The following THRB variants were observed in gnomAD, a reference collection of about 807,000 sequenced individuals.
The protein encoded by THRB is nuclear receptor subfamily 1 group A member 2.
THRB carries 12 observed loss-of-function variants against 47.8 expected under a neutral mutation model. The observed-to-expected ratio is 0.25, with a 90% CI of 0.16 to 0.41. The LOEUF is 0.41. THRB is among the 10% of genes least tolerant of loss of function. The pLI is 1.00. For missense variants in THRB, 348 were observed against 589.2 expected, an observed-to-expected ratio of 0.59 and a Z score of 4.24; for synonymous variants, 218 against 212.2, an observed-to-expected ratio of 1.03 and a Z score of -0.24.
intron 4 of THRB, among the ~76,000 whole-genome samples, chr3:24,206,155 T>C (rs1482490470): frequency 1.3e-5 from 2 of 152,180 alleles, no homozygotes; most frequent in African/African-American, 2.4e-5. Context: ...GCGGACCTAA[T>C]AGACATCTAC....
intron 4 of THRB, among the ~76,000 whole-genome samples, chr3:24,208,593 T>TG (rs1442164619): frequency 1.3e-5 from 2 of 152,164 alleles, no homozygotes; most frequent in Non-Finnish European, 2.9e-5. Context: ...AAACAAGCAA[T>TG]GGGGAAAGGA....
At chr3:24,352,602 G>T (rs2063423882) in intron 1 of THRB, among the ~76,000 whole-genome samples, 1 of 152,156 alleles carries the variant, frequency 6.6e-6, no homozygotes, top group Admixed American at 6.6e-5. Context: ...GGGGTGGTTG[G>T]TTTTAAAAGG....
chr3:24,179,484 T>G (rs2041619266), intron 5 of THRB, among the ~76,000 whole-genome samples: 3 of 152,184 alleles, frequency 2.0e-5, no homozygotes, highest in South Asian at 2.1e-4. Context: ...AATTGGTGAA[T>G]CCAGGTGAGG....
At chr3:24,132,848 G>A (rs1424152269) in intron 9 of THRB, among the ~76,000 whole-genome samples, 2 of 152,242 alleles carry the variant, frequency 1.3e-5, no homozygotes, top group East Asian at 3.8e-4. Context: ...GATATGCACT[G>A]AGAAGAATAC....
chr3:24,260,424 T>A (rs1412252315), intron 3 of THRB, among the ~76,000 whole-genome samples: 1 of 152,124 alleles, frequency 6.6e-6, no homozygotes, highest in Non-Finnish European at 1.5e-5. Context: ...AAAGGTAAGG[T>A]GGTCTTCAGG....
intron 3 of THRB, among the ~76,000 whole-genome samples, chr3:24,272,163 G>A (rs906188746): frequency 2.0e-5 from 3 of 152,078 alleles, no homozygotes; most frequent in East Asian, 3.9e-4. Context: ...GCAACACAGC[G>A]AGATCTCTTC....
chr3:24,483,237 G>A (rs867169322), intron 1 of THRB, among the ~76,000 whole-genome samples: 1 of 151,794 alleles, frequency 6.6e-6, no homozygotes, highest in South Asian at 2.1e-4. Flanking sequence ...TTATAATTTG[G>A]GAAGAAAACA....
chr3:24,297,904 A>T (rs1272838958), intron 2 of THRB, among the ~76,000 whole-genome samples: 1 of 152,212 alleles, frequency 6.6e-6, no homozygotes, highest in Non-Finnish European at 1.5e-5. Flanking sequence ...TTTAGACTTC[A>T]GAGCAGTGGC....
intron 1 of THRB, among the ~76,000 whole-genome samples, chr3:24,341,662 C>T (rs1171471139): frequency 3.3e-5 from 5 of 152,098 alleles, no homozygotes; most frequent in African/African-American, 1.2e-4. Flanking sequence ...AGTCTATTCT[C>T]CTGTGCTTTT....
Position 24,378,127 on chromosome 3 carries a change from C to G in THRB, c.-260-40756G>C, listed in dbSNP as rs551761567. ...ACTGTGAGTGAGGCAGAAACTGAAT[C>G]AGGCAGGGGCATTATTGTTTTCTCT... On this transcript the variant is annotated intron_variant, in intron 1 of 10. Coordinates refer to ENST00000646209, the MANE Select transcript of THRB (RefSeq NM_001354712.2). 2.0e-4 allele frequency among the ~76,000 whole-genome samples: 30 copies of G among 152,236 alleles called. No individual in the cohort carries two copies. The East Asian group carries it at 5.8e-3, about 29-fold the overall frequency.
intron 1 of THRB, among the ~76,000 whole-genome samples, chr3:24,384,410 G>T (rs2065933119): frequency 6.6e-6 from 1 of 152,140 alleles, no homozygotes; most frequent in Non-Finnish European, 1.5e-5. Context: ...GATGAGCCAT[G>T]AAGTGTTATA....
chr3:24,453,459 A>G (rs2072867039), intron 1 of THRB, among the ~76,000 whole-genome samples: 1 of 152,120 alleles, frequency 6.6e-6, no homozygotes, highest in African/African-American at 2.4e-5. Context: ...TCCCCAATCC[A>G]TTCACCTTAC....
intron 3 of THRB, among the ~76,000 whole-genome samples, chr3:24,267,931 C>T (rs2052833310): frequency 6.6e-6 from 1 of 152,136 alleles, no homozygotes; most frequent in Non-Finnish European, 1.5e-5. Flanking sequence ...TTCTTCAACA[C>T]CATTAGCCCT....
Position 24,233,560 on chromosome 3 carries a change from G to GAAGAAAGAAAGAAAGAAAGAAAGAAAGA in THRB, c.-42-4587_-42-4560dup, listed in dbSNP as rs769459380. Among the ~76,000 whole-genome samples the GAAGAAAGAAAGAAAGAAAGAAAGAAAGA allele has an allele frequency of 1.4e-4, 11 of 77,352 alleles. No individual in the cohort carries two copies. The East Asian group carries it at 1.5e-3, about 10-fold the overall frequency. The allele number at this position is 77,352 out of a possible 152,430, so 50.7% of individuals were successfully genotyped here. A position where few individuals can be genotyped will look rare whatever the true frequency, so the allele number is the denominator to read the frequency against. On this transcript the variant is annotated intron_variant, in intron 3 of 10. Coordinates refer to ENST00000646209, the MANE Select transcript of THRB (RefSeq NM_001354712.2). ...GAAAGAAAGAGAAAGAAAGAAAAAG[G>GAAGAAAGAAAGAAAGAAAGAAAGAAAGA]AAGAAAGAAAGAAAGAAAGAAAGAA...
chr3:24,250,178 A>G (rs183035119), intron 3 of THRB, among the ~76,000 whole-genome samples: 18 of 152,294 alleles, frequency 1.2e-4, no homozygotes, highest in Non-Finnish European at 1.6e-4. Context: ...TAACTAATAA[A>G]ACATCTTAGT....
chr3:24,372,421 T>C (rs1156365170), intron 1 of THRB, among the ~76,000 whole-genome samples: 1 of 152,120 alleles, frequency 6.6e-6, no homozygotes, highest in Non-Finnish European at 1.5e-5. Flanking sequence ...TCTATCACCA[T>C]GTCCTGGAGA....
rs116900657 is a variant in THRB at position 24,422,618 on chromosome 3, G to A, written c.-261+72034C>T. On this transcript the variant is annotated intron_variant, in intron 1 of 10. Coordinates refer to ENST00000646209, the MANE Select transcript of THRB (RefSeq NM_001354712.2). Reference sequence around the variant, plus strand: ...GAGCTAAAAGACAGATGTGCGTGGCGAATGTGCATTCACTTTTTTCAGCTG... The same window carrying A: ...GAGCTAAAAGACAGATGTGCGTGGCAAATGTGCATTCACTTTTTTCAGCTG... Among the ~76,000 whole-genome samples the A allele has an allele frequency of 3.0e-4, 46 of 151,994 alleles. 1 individual carries two copies. The East Asian group carries it at 6.4e-3, about 21-fold the overall frequency.
chr3:24,463,961 T>A (rs767072216), intron 1 of THRB, among the ~76,000 whole-genome samples: 198 of 152,188 alleles, frequency 1.3e-3, no homozygotes, highest in Non-Finnish European at 3.7e-4. Flanking sequence ...TAAGAAATGG[T>A]TGCGGCTGGG....
chr3:24,255,561 T>G (rs1463194248), intron 3 of THRB, among the ~76,000 whole-genome samples: 1 of 152,152 alleles, frequency 6.6e-6, no homozygotes, highest in Non-Finnish European at 1.5e-5. Flanking sequence ...ATGAGTGGGA[T>G]GAGACTCCCA....
Sources: allele counts gnomAD v4.1 joint callset (sites outside exome capture counted in the v4.1 genomes callset), GRCh38; gene constraint gnomAD v4.1.1; transcripts MANE v1.5; gene names NCBI Gene and HGNC (gene_info 2026-07-23, HGNC 2026-07-21).